Variants in CRTC1 observed in about 807,000 individuals in gnomAD.
CRTC1 encodes the protein CREB-regulated transcription coactivator 1.
In CRTC1, 18 loss-of-function variants were observed where a neutral mutation model predicts 66.1. The observed-to-expected ratio is 0.27, with a 90% CI of 0.19 to 0.40. The LOEUF (loss-of-function observed/expected upper bound fraction) is 0.40, where lower values mean the gene tolerates loss of function less well. CRTC1 is among the 10% of genes least tolerant of loss of function. The pLI is 1.00. For synonymous variants in CRTC1, 416 were observed against 398.8 expected (o/e 1.04, Z -0.51); for missense variants, 669 against 887.9 (o/e 0.75, Z 3.13).
Position 18,742,562 on chromosome 19 carries a change from T to C in CRTC1, c.127-348T>C, listed in dbSNP as rs115076935. On this transcript the variant is annotated intron_variant, in intron 1 of 13. Coordinates refer to ENST00000321949, the MANE Select transcript of CRTC1 (RefSeq NM_015321.3). ...ATAAGAAATGGCTCCCCTGGGCTGGTGAGGGGCCTCCTTGGCAGGCTGCAG... is the reference window on the plus strand; with the variant it reads ...ATAAGAAATGGCTCCCCTGGGCTGGCGAGGGGCCTCCTTGGCAGGCTGCAG... 4.5e-3 allele frequency among the ~76,000 whole-genome samples: 678 copies of C among 152,312 alleles called. 6 individuals are homozygous for C. Among genetic ancestry groups the C allele is most frequent in the African/African-American group, 0.016 (654 of 41,580 alleles).
intron 1 of CRTC1, among the ~76,000 whole-genome samples, chr19:18,739,395 G>A (rs533231962): frequency 2.6e-5 from 4 of 152,386 alleles, no homozygotes; most frequent in African/African-American, 7.2e-5. Flanking sequence ...CCAAGCTGCC[G>A]CCTGAGGCCT....
intron 1 of CRTC1, among the ~76,000 whole-genome samples, chr19:18,733,849 C>G (rs964017422): frequency 1.3e-5 from 2 of 152,240 alleles, no homozygotes; most frequent in Non-Finnish European, 2.9e-5. Flanking sequence ...GGCGCGGTGG[C>G]TCCTGCCTGT....
At chr19:18,718,699 C>T (rs761717041) in intron 1 of CRTC1, among the ~76,000 whole-genome samples, 15 of 152,224 alleles carry the variant, frequency 9.9e-5, no homozygotes, top group Non-Finnish European at 1.9e-4. Flanking sequence ...CAGTCTTATT[C>T]ATTCATCCCT....
chr19:18,729,381 G>A (rs1337751395), intron 1 of CRTC1, among the ~76,000 whole-genome samples: 2 of 149,036 alleles, frequency 1.3e-5, no homozygotes, highest in Non-Finnish European at 3.0e-5. Flanking sequence ...AGCTGAGATC[G>A]CGCCACTGCA....
chr19:18,712,209 G>A (rs558641400), intron 1 of CRTC1, among the ~76,000 whole-genome samples: 4 of 151,738 alleles, frequency 2.6e-5, no homozygotes, highest in African/African-American at 4.8e-5. Flanking sequence ...GCCTCCCAAA[G>A]TGCTGGAATT....
rs558706366 is a variant in CRTC1 at position 18,744,589 on chromosome 19, G to T, written c.244-1234G>T. Among the ~76,000 whole-genome samples the T allele has an allele frequency of 1.1e-4, 16 of 152,278 alleles. No individual in the cohort carries two copies. The South Asian group carries it at 3.1e-3, about 30-fold the overall frequency. ...GCGAGCCCGGGTGTGGCCAGCCCCC[G>T]CTTCATTCTGCCTCTGACTTGGCTT... On this transcript the variant is annotated intron_variant, in intron 2 of 13. Transcript: ENST00000321949.
At chr19:18,711,793 CAT>C (rs1437898449) in intron 1 of CRTC1, among the ~76,000 whole-genome samples, 1 of 152,198 alleles carries the variant, frequency 6.6e-6, no homozygotes, top group Non-Finnish European at 1.5e-5. Context: ...TCCTTATACA[CAT>C]GTGGGACCGT....
chr19:18,726,910 A>C (rs917149948), intron 1 of CRTC1, among the ~76,000 whole-genome samples: 4 of 147,646 alleles, frequency 2.7e-5, no homozygotes, highest in Non-Finnish European at 5.9e-5. Context: ...TAGGTAACAG[A>C]GAAAGACTCC....
chr19:18,741,180 CTG>C lies in CRTC1; in HGVS notation c.127-1724_127-1723del, dbSNP rs1287350551. On this transcript the variant is annotated intron_variant, in intron 1 of 13. Transcript: ENST00000321949. The surrounding 1 kb of genome is among the most constrained non-coding windows in gnomAD (Gnocchi z 4.2). ...ATGGGGCTTGGGAACCATGAGAGTTCTGTGTGTCCCCAGTCCTGTAGATTGTC... is the reference window on the plus strand; with the variant it reads ...ATGGGGCTTGGGAACCATGAGAGTTCTGTGTCCCCAGTCCTGTAGATTGTC... Among the ~76,000 whole-genome samples the C allele has an allele frequency of 2.0e-5, 3 of 152,202 alleles. No homozygotes were observed. Among genetic ancestry groups the C allele is most frequent in the Non-Finnish European group, 2.9e-5 (2 of 68,032 alleles).
intron 1 of CRTC1, among the ~76,000 whole-genome samples, chr19:18,696,951 C>T (rs2053004219): frequency 6.6e-6 from 1 of 152,062 alleles, no homozygotes; most frequent in Non-Finnish European, 1.5e-5. Flanking sequence ...GAGAGTCCTG[C>T]TTCACCTTGG....
At position 18,723,447 on chromosome 19, in the gene CRTC1, G is replaced by A. The variant is rs558007262; in HGVS notation, c.127-19463G>A. On this transcript the variant is annotated intron_variant, in intron 1 of 13. Coordinates refer to ENST00000321949, the MANE Select transcript of CRTC1 (RefSeq NM_015321.3). ...CCTTGCTTCTGAAGACAGCTCTCAG[G>A]AAGTAGCAGGGCGTGAGGAAGGGAT... Among the ~76,000 whole-genome samples, 3 of 152,316 alleles carry A rather than the reference G, an allele frequency of 2.0e-5. No homozygotes were observed. The East Asian group carries it at 5.8e-4, about 29-fold the overall frequency.
At chr19:18,744,143 T>G in intron 2 of CRTC1, 1 of 1,611,926 alleles carries the variant, frequency 6.2e-7, no homozygotes, top group African/African-American at 1.3e-5. Context: ...TGGCAGCGGC[T>G]CCTGTCTCTC....
chr19:18,775,845 G>A (rs374747410), intron 13 of CRTC1, 24 bp downstream of exon 13: 102 of 1,543,104 alleles, frequency 6.6e-5, no homozygotes, highest in Middle Eastern at 2.0e-4. Flanking sequence ...GGGGGCGCGT[G>A]TGCGGCGCCC....
chr19:18,728,783 T>A (rs575808170), intron 1 of CRTC1, among the ~76,000 whole-genome samples: 1 of 145,982 alleles, frequency 6.9e-6, no homozygotes, highest in South Asian at 2.2e-4. Context: ...CCCAAAGTTC[T>A]GGGATTACAG....
At chr19:18,762,027 C>A (rs1355251074) in intron 8 of CRTC1, among the ~76,000 whole-genome samples, 1 of 152,214 alleles carries the variant, frequency 6.6e-6, no homozygotes, top group Non-Finnish European at 1.5e-5. Context: ...CAGGGCCAGG[C>A]AGGCGGCATC....
rs2055100543 is a variant in CRTC1 at position 18,781,396 on chromosome 19, G to A, written c.*4014G>A. The A allele has an allele frequency of 4.4e-6, 1 of 229,800 alleles. No individual in the cohort carries two copies. The highest frequency in any genetic ancestry group is 2.2e-5 in the African/African-American group (1 of 45,118). 14.2% of individuals were successfully genotyped at this position (229,800 alleles called of 1,614,324 possible). A position where few individuals can be genotyped will look rare whatever the true frequency, so the allele number is the denominator to read the frequency against. On this transcript the variant is annotated 3_prime_UTR_variant, in exon 14 of 14. Transcript: ENST00000321949. ...GGGGGCTCTTGCGGCATGTGATTTG[G>A]GGGTCCCTGGGACATTCTCCCGTCA...
chr19:18,762,636 C>T (rs971076041), intron 8 of CRTC1, among the ~76,000 whole-genome samples: 20 of 152,308 alleles, frequency 1.3e-4, no homozygotes, highest in African/African-American at 2.6e-4. Context: ...GCTTTGAGGC[C>T]GGGCGGGCCC....
intron 1 of CRTC1, among the ~76,000 whole-genome samples, chr19:18,719,165 C>T (rs1174666784): frequency 1.3e-5 from 2 of 152,240 alleles, no homozygotes; most frequent in Non-Finnish European, 2.9e-5. Context: ...TCTGTCCCTG[C>T]TTCTTCTACC....
intron 1 of CRTC1, among the ~76,000 whole-genome samples, chr19:18,742,232 C>T (rs1377180368): frequency 1.3e-5 from 2 of 152,182 alleles, no homozygotes; most frequent in East Asian, 3.9e-4. Flanking sequence ...CTCCTGGCCC[C>T]TGGTTCTGTG....
Sources: allele counts gnomAD v4.1 joint callset (sites outside exome capture counted in the v4.1 genomes callset), GRCh38; gene constraint gnomAD v4.1.1; non-coding constraint Gnocchi (gnomAD v3.1); transcripts MANE v1.5; gene names NCBI Gene and HGNC (gene_info 2026-07-23, HGNC 2026-07-21).